The following ARHGEF10L variants were observed in gnomAD, a reference collection of about 807,000 sequenced individuals.
The protein encoded by ARHGEF10L is rho guanine nucleotide exchange factor 10-like protein.
ARHGEF10L carries 69 observed loss-of-function variants against 141.2 expected under a neutral mutation model. That is an observed-to-expected ratio of 0.49 (90% CI 0.40 to 0.60). The LOEUF is 0.60. Among genes scored for constraint, ARHGEF10L ranks in the 20% least tolerant of loss-of-function variants. The pLI, the probability that ARHGEF10L is intolerant of heterozygous loss-of-function variation, is 0.00. For synonymous variants in ARHGEF10L, 711 were observed against 718.5 expected, an observed-to-expected ratio of 0.99 and a Z score of 0.17; for missense variants, 1,482 against 1,734.3, an observed-to-expected ratio of 0.85 and a Z score of 2.58.
intron 1 of ARHGEF10L, among the ~76,000 whole-genome samples, chr1:17,544,024 G>T (rs1308416178): frequency 1.3e-5 from 2 of 150,186 alleles, no homozygotes; most frequent in Non-Finnish European, 3.0e-5. Context: ...TCTGCTCACT[G>T]CAACCTCCAC....
intron 26 of ARHGEF10L, among the ~76,000 whole-genome samples, chr1:17,678,946 G>A (rs1053718895): frequency 6.6e-5 from 10 of 152,194 alleles, no homozygotes; most frequent in African/African-American, 2.4e-4. Context: ...GGAAATGCTA[G>A]TAAAAATAGT....
intron 1 of ARHGEF10L, among the ~76,000 whole-genome samples, chr1:17,577,313 T>G (rs984877249): frequency 6.6e-6 from 1 of 152,220 alleles, no homozygotes; most frequent in Admixed American, 6.5e-5. Context: ...CCCAAAGTGC[T>G]GGGATTACAG....
intron 1 of ARHGEF10L, among the ~76,000 whole-genome samples, chr1:17,564,785 C>T (rs2077682601): frequency 6.6e-6 from 1 of 152,150 alleles, no homozygotes; most frequent in Non-Finnish European, 1.5e-5. Flanking sequence ...TAGCACTGGG[C>T]CCTTAGCACG....
chr1:17,611,031 T>C (rs1174153914), intron 7 of ARHGEF10L, among the ~76,000 whole-genome samples: 2 of 152,124 alleles, frequency 1.3e-5, no homozygotes, highest in Non-Finnish European at 2.9e-5. Flanking sequence ...AATCAAGGTC[T>C]CTGATCCAGC....
chr1:17,562,791 C>A (rs2077593806), intron 1 of ARHGEF10L, among the ~76,000 whole-genome samples: 2 of 152,228 alleles, frequency 1.3e-5, no homozygotes, highest in Non-Finnish European at 2.9e-5. Flanking sequence ...GTGCCCTGTC[C>A]TAGGGCAGTC....
At chr1:17,516,552 T>C in the ARHGEF10L span, among the ~76,000 whole-genome samples, 1 of 152,078 alleles carries the variant, frequency 6.6e-6, no homozygotes, top group African/African-American at 2.4e-5. Flanking sequence ...GCTGCTGCCG[T>C]GGGAGTGGAA....
At chr1:17,585,200 C>T (rs565575022) in intron 2 of ARHGEF10L, among the ~76,000 whole-genome samples, 2 of 152,300 alleles carry the variant, frequency 1.3e-5, no homozygotes, top group East Asian at 3.9e-4. Context: ...ACCACAGATC[C>T]AGCTCCCACC....
the ARHGEF10L span, among the ~76,000 whole-genome samples, chr1:17,528,087 T>C: frequency 1.3e-5 from 2 of 152,078 alleles, no homozygotes; most frequent in Non-Finnish European, 2.9e-5. Flanking sequence ...CTCAAACTCC[T>C]GGACTCAAGT....
Position 17,593,273 on chromosome 1 carries a change from T to C in ARHGEF10L, c.257+4794T>C, listed in dbSNP as rs370440266. Among the ~76,000 whole-genome samples the C allele has an allele frequency of 2.6e-5, 4 of 152,338 alleles. No individual in the cohort carries two copies. The East Asian group carries it at 5.8e-4, about 22-fold the overall frequency. On this transcript the variant is annotated intron_variant, in intron 4 of 28. Coordinates refer to ENST00000361221, the MANE Select transcript of ARHGEF10L (RefSeq NM_018125.4). ...TAACAGCCTACACGTGCACGGACTT[T>C]ACAGTTTACATCTCATTTTGATTCT...
chr1:17,540,664 G>T (rs1326266491), intron 1 of ARHGEF10L, among the ~76,000 whole-genome samples: 3 of 152,126 alleles, frequency 2.0e-5, no homozygotes, highest in South Asian at 4.1e-4. Flanking sequence ...CTGGGGCGGG[G>T]GTCTCGAATC....
chr1:17,683,011 T>C (rs1016992429), intron 26 of ARHGEF10L, among the ~76,000 whole-genome samples: 3 of 152,132 alleles, frequency 2.0e-5, no homozygotes, highest in Non-Finnish European at 4.4e-5. Context: ...TACCTTGTGT[T>C]TGGAAAATGA....
Position 17,697,064 on chromosome 1 carries a change from A to G in ARHGEF10L, c.3524A>G (p.Tyr1175Cys), listed in dbSNP as rs758123760. Residue 1175 changes from tyrosine (Y) to cysteine (C), a missense_variant, in exon 29 of 29, where the codon TAC becomes TGC. Tyr to Cys is a radical substitution (Grantham distance 194). Transcript: ENST00000361221. The surrounding 1 kb of genome is among the most constrained non-coding windows in gnomAD (Gnocchi z 4.8). ...CGCAAGAAGGGCATCCTCTTGCAGT[A>G]CCGCCTGCGCTCCACCGCACACCTC... ...LTRKKGILLQ[Y>C]RLRSTAHLPG... 1.9e-6 allele frequency: 3 copies of G among 1,604,458 alleles called. No homozygotes were observed. The South Asian group carries it at 3.3e-5, about 18-fold the overall frequency.
At chr1:17,635,452 C>A (rs943230687) in intron 18 of ARHGEF10L, among the ~76,000 whole-genome samples, 3 of 152,222 alleles carry the variant, frequency 2.0e-5, no homozygotes, top group African/African-American at 7.2e-5. Context: ...ACCTGCCTCA[C>A]TCACCTCCCT....
intron 26 of ARHGEF10L, among the ~76,000 whole-genome samples, chr1:17,670,420 A>G (rs552849073): frequency 1.2e-4 from 18 of 152,358 alleles, no homozygotes; most frequent in Admixed American, 2.6e-4. Context: ...TTCATGATCT[A>G]GATCGCACCG....
the ARHGEF10L span, among the ~76,000 whole-genome samples, chr1:17,531,979 G>A: frequency 2.0e-5 from 3 of 152,032 alleles, no homozygotes; most frequent in Non-Finnish European, 4.4e-5. Context: ...CAGCCTAGGC[G>A]AGCCAGTGGG....
intron 1 of ARHGEF10L, among the ~76,000 whole-genome samples, chr1:17,540,400 C>T (rs1426180040): frequency 1.3e-5 from 2 of 152,044 alleles, no homozygotes; most frequent in African/African-American, 2.4e-5. Context: ...CCACCCTGGA[C>T]CCCCGCCCAG....
chr1:17,612,572 T>C (rs2059603729), intron 7 of ARHGEF10L, among the ~76,000 whole-genome samples: 1 of 152,154 alleles, frequency 6.6e-6, no homozygotes, highest in African/African-American at 2.4e-5. Flanking sequence ...CTTCCATTCA[T>C]CTTTCTGTGG....
chr1:17,689,956 C>T (rs765814557), intron 27 of ARHGEF10L: 24 of 410,474 alleles, frequency 5.8e-5, no homozygotes, highest in African/African-American at 4.1e-4. Context: ...TGCACCTTCA[C>T]GCCCGTTGTC....
chr1:17,593,566 A>T (rs2079788995), intron 4 of ARHGEF10L, among the ~76,000 whole-genome samples: 1 of 152,060 alleles, frequency 6.6e-6, no homozygotes, highest in Non-Finnish European at 1.5e-5. Flanking sequence ...GGAGGACGGG[A>T]TTGTGACCAA....
Sources: allele counts gnomAD v4.1 joint callset (sites outside exome capture counted in the v4.1 genomes callset), GRCh38; gene constraint gnomAD v4.1.1; non-coding constraint Gnocchi (gnomAD v3.1); transcripts MANE v1.5; gene names NCBI Gene and HGNC (gene_info 2026-07-23, HGNC 2026-07-21).